ELOVL6: variants seen among roughly 807,000 people sequenced by gnomAD.
ELOVL6 encodes very long chain fatty acid elongase 6.
In ELOVL6, 8 loss-of-function variants were observed where a neutral mutation model predicts 31.7. That is an observed-to-expected ratio of 0.25 (90% CI 0.15 to 0.45). ELOVL6 has a LOEUF of 0.45. ELOVL6 is among the 20% of genes least tolerant of loss of function. The probability of loss-of-function intolerance (pLI) is 1.00; values close to 1 mark genes in which losing one functional copy is unlikely to be tolerated. For missense variants in ELOVL6, 126 were observed against 326.4 expected, an observed-to-expected ratio of 0.39 and a Z score of 4.73; for synonymous variants, 101 against 117.7, an observed-to-expected ratio of 0.86 and a Z score of 0.92.
chr4:110,058,291 G>A (rs543149645), intron 3 of ELOVL6, among the ~76,000 whole-genome samples: 1 of 152,166 alleles, frequency 6.6e-6, no homozygotes, highest in African/African-American at 2.4e-5. Flanking sequence ...TCTGTTGGAG[G>A]GGGGGAGCGG....
intron 2 of ELOVL6, among the ~76,000 whole-genome samples, chr4:110,071,206 A>G (rs966410456): frequency 6.6e-6 from 1 of 152,192 alleles, no homozygotes; most frequent in African/African-American, 2.4e-5. Flanking sequence ...CTTTGGGTTC[A>G]TTAACCTAAA....
intron 1 of ELOVL6, among the ~76,000 whole-genome samples, chr4:110,158,651 ATATATATTT>A (rs1252034091): frequency 7.8e-5 from 7 of 89,938 alleles, no homozygotes; most frequent in South Asian, 6.3e-4. Context: ...ATATATATAT[ATATATATTT>A]TTTTTTTTTT....
Position 110,128,867 on chromosome 4 carries a change from G to C in ELOVL6, c.90-23239C>G, listed in dbSNP as rs139140380. 1.6e-3 allele frequency among the ~76,000 whole-genome samples: 245 copies of C among 152,306 alleles called. 1 individual carries two copies. The highest frequency in any genetic ancestry group is 5.5e-3 in the African/African-American group (227 of 41,566). ...ATTTCCAACCAACAAGACAGAACTT[G>C]TAAAGGAAACTTCTCAGCTCACTTG... On this transcript the variant is annotated intron_variant, in intron 1 of 3. Transcript: ENST00000302274.
At chr4:110,099,070 G>T (rs1446241354) in intron 2 of ELOVL6, among the ~76,000 whole-genome samples, 2 of 151,920 alleles carry the variant, frequency 1.3e-5, no homozygotes, top group Non-Finnish European at 2.9e-5. Context: ...TTCCATATAG[G>T]TTAAGAACTG....
intron 1 of ELOVL6, among the ~76,000 whole-genome samples, chr4:110,135,504 G>C (rs1416097468): frequency 6.6e-6 from 1 of 152,202 alleles, no homozygotes; most frequent in African/African-American, 2.4e-5. Context: ...AGAAACACAT[G>C]AAATGAAGCT....
chr4:110,178,690 C>A (rs900938964), intron 1 of ELOVL6, among the ~76,000 whole-genome samples: 2 of 152,014 alleles, frequency 1.3e-5, no homozygotes, highest in Non-Finnish European at 2.9e-5. Flanking sequence ...CTCGTCTCTA[C>A]AAATAATCAA....
chr4:110,063,453 C>A (rs1175829994), intron 2 of ELOVL6, among the ~76,000 whole-genome samples: 2 of 151,512 alleles, frequency 1.3e-5, no homozygotes, highest in Admixed American at 1.3e-4. Flanking sequence ...CTCAGTCCCC[C>A]AGTTCCTGAT....
intron 2 of ELOVL6, among the ~76,000 whole-genome samples, chr4:110,093,607 A>G (rs1756483788): frequency 6.6e-6 from 1 of 152,152 alleles, no homozygotes; most frequent in Non-Finnish European, 1.5e-5. Flanking sequence ...AAATTTTCCT[A>G]TTTCCACCTT....
At chr4:110,180,390 G>T (rs72679245) in intron 1 of ELOVL6, among the ~76,000 whole-genome samples, 4 of 151,546 alleles carry the variant, frequency 2.6e-5, no homozygotes, top group Non-Finnish European at 4.4e-5. Context: ...ATGTATGTAT[G>T]TATTTATAGG....
chr4:110,097,443 T>C (rs544234702), intron 2 of ELOVL6, among the ~76,000 whole-genome samples: 3 of 151,950 alleles, frequency 2.0e-5, no homozygotes, highest in East Asian at 1.9e-4. Context: ...GCTAAGTAAA[T>C]GGAAGGATTA....
intron 2 of ELOVL6, among the ~76,000 whole-genome samples, chr4:110,084,440 G>GATATATCACATATATGATAT (rs1203410388): frequency 2.5e-5 from 2 of 80,490 alleles, no homozygotes; most frequent in Admixed American, 1.2e-4. Context: ...TATCATATAT[G>GATATATCACATATATGATAT]ATATATCGCA....
At chr4:110,154,390 G>A (rs984023454) in intron 1 of ELOVL6, among the ~76,000 whole-genome samples, 7 of 152,170 alleles carry the variant, frequency 4.6e-5, no homozygotes, top group African/African-American at 1.7e-4. Flanking sequence ...GAGCAGCTGG[G>A]ATTACAGACA....
At chr4:110,075,006 A>G (rs1368194670) in intron 2 of ELOVL6, among the ~76,000 whole-genome samples, 1 of 152,244 alleles carries the variant, frequency 6.6e-6, no homozygotes. Flanking sequence ...TAATACACAA[A>G]TAATGAATCA....
rs572027886 is a variant in ELOVL6, at chr4:110,127,406, C to CAAAAAAAAAA, written c.90-21788_90-21779dup. On this transcript the variant is annotated intron_variant, in intron 1 of 3. Transcript: ENST00000302274. Reference sequence around the variant, plus strand: ...TGGGTGACAGAGCGAGATTCCGTCTCAAAAAAAAAAAAAAAAAAAGAAAAG... The same window carrying CAAAAAAAAAA: ...TGGGTGACAGAGCGAGATTCCGTCTCAAAAAAAAAAAAAAAAAAAAAAAAAAAAAGAAAAG... Among the ~76,000 whole-genome samples the CAAAAAAAAAA allele has an allele frequency of 4.0e-4, 34 of 85,436 alleles. 1 individual carries two copies. The highest frequency in any genetic ancestry group is 1.2e-3 in the East Asian group (3 of 2,536). The allele number at this position is 85,436 out of a possible 152,430, so 56.0% of individuals were successfully genotyped here.
chr4:110,069,173 G>GATAAT lies in ELOVL6; in HGVS notation c.222-9420_222-9419insATTAT, dbSNP rs1560805300. ...ATAATAATAATAATAATAATAATAG[G>GATAAT]GACACTTGGTACCATAATGGATGTC... On this transcript the variant is annotated intron_variant, in intron 2 of 3. Transcript: ENST00000302274. Among the ~76,000 whole-genome samples the GATAAT allele has an allele frequency of 4.0e-3, 416 of 102,852 alleles. 2 individuals are homozygous for GATAAT. In the East Asian group the frequency reaches 0.041, roughly 10 times the overall value. The allele number at this position is 102,852 out of a possible 152,430, so 67.5% of individuals were successfully genotyped here.
intron 1 of ELOVL6, among the ~76,000 whole-genome samples, chr4:110,196,215 G>A (rs1759774496): frequency 6.6e-6 from 1 of 152,200 alleles, no homozygotes; most frequent in Non-Finnish European, 1.5e-5. Context: ...GAGGGAAAGC[G>A]GACTCCGGAA....
chr4:110,061,087 ACTGTATGAAATTGTC>A (rs1417431716), intron 2 of ELOVL6, among the ~76,000 whole-genome samples: 1 of 152,156 alleles, frequency 6.6e-6, no homozygotes, highest in Non-Finnish European at 1.5e-5. Flanking sequence ...TACTCTTTCC[ACTGTATGAAATTGTC>A]CTGCAGAGGA....
intron 1 of ELOVL6, among the ~76,000 whole-genome samples, chr4:110,159,109 C>T (rs1173939883): frequency 6.6e-6 from 1 of 152,016 alleles, no homozygotes; most frequent in Non-Finnish European, 1.5e-5. Flanking sequence ...TCTCTTTTAC[C>T]TGTAAAACTG....
At chr4:110,098,949 G>GA (rs1273992624) in intron 2 of ELOVL6, among the ~76,000 whole-genome samples, 1 of 151,918 alleles carries the variant, frequency 6.6e-6, no homozygotes, top group Non-Finnish European at 1.5e-5. Context: ...GCAACCATAG[G>GA]AAAAAAACTA....
Sources: gnomAD v4.1 joint callset for allele counts (sites outside exome capture counted in the v4.1 genomes callset) on GRCh38, gnomAD v4.1.1 for gene constraint, MANE v1.5 for transcripts, NCBI Gene and HGNC (gene_info 2026-07-23, HGNC 2026-07-21) for gene names.